NSD3: variants seen among roughly 807,000 people sequenced by gnomAD.
NSD3 encodes the protein nuclear receptor binding SET domain protein 3.
NSD3 carries 24 observed loss-of-function variants against 160.8 expected under a neutral mutation model. That is an observed-to-expected ratio of 0.15 (90% CI 0.11 to 0.21). NSD3 has a LOEUF of 0.21. Among genes scored for constraint, NSD3 ranks in the 10% least tolerant of loss-of-function variants. The pLI is 1.00. For missense variants in NSD3, 1,157 were observed against 1,735.9 expected (o/e 0.67, Z 5.93); for synonymous variants, 520 against 600.0 (o/e 0.87, Z 1.95).
chr8:38,337,492 C>A (rs371525929), intron 3 of NSD3, 25 bp from the exon 4 acceptor site: 5 of 1,521,984 alleles, frequency 3.3e-6, no homozygotes, highest in African/African-American at 1.4e-5. Flanking sequence ...CAAAAAACTT[C>A]ATCAGAAATT....
chr8:38,337,278 T>C (rs528805219), intron 4 of NSD3, 27 bp downstream of exon 4: 2 of 1,534,770 alleles, frequency 1.3e-6, no homozygotes, highest in East Asian at 4.8e-5. Context: ...AACCTTTTAC[T>C]TAGTATCTGT....
At chr8:38,344,303 A>T (rs1291999320) in intron 2 of NSD3, among the ~76,000 whole-genome samples, 1 of 152,160 alleles carries the variant, frequency 6.6e-6, no homozygotes, top group African/African-American at 2.4e-5. Flanking sequence ...ACAGAGTCTC[A>T]TTCTGTCACC....
intron 14 of NSD3, chr8:38,303,221 T>G (rs1406213476): frequency 1.0e-6 from 1 of 984,510 alleles, no homozygotes; most frequent in Non-Finnish European, 1.2e-6. Flanking sequence ...ATTCAACTGA[T>G]AATACAATAA....
rs765609001 is a variant in NSD3, at chr8:38,315,968, T to A, written c.1930A>T (p.Ser644Cys). 1 of 1,613,746 alleles carries A rather than the reference T, an allele frequency of 6.2e-7. No homozygotes were observed. Among genetic ancestry groups the A allele is most frequent in the South Asian group, 1.1e-5 (1 of 91,056 alleles). Reference protein sequence around the residue: ...SRASTDVEMTSSAYRDTSDSD... With the variant: ...SRASTDVEMTCSAYRDTSDSD... The stretch of plus-strand genomic sequence containing the variant: ...TCAGATGTGTCTCTGTATGCTGAAC[T>A]AGTCATTTCTACATCAGTTGAGGCG... Residue 644 changes from serine (S) to cysteine (C), a missense_variant, in exon 10 of 24, where the codon AGT becomes TGT. By Grantham distance (112) the Ser-to-Cys change is moderately radical. Coordinates refer to ENST00000317025, the MANE Select transcript of NSD3 (RefSeq NM_023034.2).
At chr8:38,279,860 C>G (rs557351532) in intron 20 of NSD3, 179 bp from the exon 21 acceptor site, 1 of 612,228 alleles carries the variant, frequency 1.6e-6, no homozygotes. Flanking sequence ...ATTTGATGAC[C>G]TTCAAGTCAA....
intron 1 of NSD3, among the ~76,000 whole-genome samples, chr8:38,378,756 G>A (rs193300012): frequency 4.8e-4 from 73 of 151,792 alleles, no homozygotes; most frequent in African/African-American, 1.7e-3. Context: ...CTGGGAGGTG[G>A]AGGTTGTATT....
At chr8:38,313,244 G>A (rs1809575860) in intron 12 of NSD3, among the ~76,000 whole-genome samples, 1 of 152,034 alleles carries the variant, frequency 6.6e-6, no homozygotes, top group South Asian at 2.1e-4. Flanking sequence ...AATGTGTATT[G>A]GGATATATGA....
chr8:38,360,541 T>C (rs193145917), intron 1 of NSD3, among the ~76,000 whole-genome samples: 18 of 152,306 alleles, frequency 1.2e-4, no homozygotes, highest in Admixed American at 2.6e-4. Context: ...GGGAAAACAT[T>C]TTCCTGTACT....
At chr8:38,379,057 A>G (rs948991721) in intron 1 of NSD3, among the ~76,000 whole-genome samples, 12 of 152,012 alleles carry the variant, frequency 7.9e-5, no homozygotes, top group Admixed American at 1.3e-4. Context: ...AACTCATTCA[A>G]TCTGATCAGT....
chr8:38,377,614 A>G (rs2150398460), intron 1 of NSD3, among the ~76,000 whole-genome samples: 1 of 152,130 alleles, frequency 6.6e-6, no homozygotes, highest in Admixed American at 6.5e-5. Flanking sequence ...CTCCCTCCCA[A>G]AGCGCTGGGA....
intron 2 of NSD3, among the ~76,000 whole-genome samples, chr8:38,343,035 T>C (rs1275163944): frequency 3.3e-5 from 5 of 151,350 alleles, no homozygotes; most frequent in Non-Finnish European, 7.4e-5. Context: ...CTACTAAAAA[T>C]ACACAAAAAA....
At chr8:38,324,624 T>A (rs1006351225) in intron 7 of NSD3, among the ~76,000 whole-genome samples, 2 of 152,180 alleles carry the variant, frequency 1.3e-5, no homozygotes, top group Non-Finnish European at 1.5e-5. Context: ...TGCCCCTGGT[T>A]CCTGGCACAG....
chr8:38,275,314 T>A lies in NSD3; in HGVS notation c.*327A>T, dbSNP rs998465879. The A allele has an allele frequency of 9.9e-6, 3 of 302,818 alleles. No individual in the cohort carries two copies. Among genetic ancestry groups the A allele is most frequent in the South Asian group, 7.4e-5 (1 of 13,522 alleles). 18.8% of individuals were successfully genotyped at this position (302,818 alleles called of 1,614,324 possible). On this transcript the variant is annotated 3_prime_UTR_variant, in exon 24 of 24. Coordinates refer to ENST00000317025, the MANE Select transcript of NSD3 (RefSeq NM_023034.2). The stretch of plus-strand genomic sequence containing the variant: ...GAACACATCTTAGACTTTAAATTTA[T>A]CTCATTAACAAAACTTACTTTTCTC...
chr8:38,333,524 T>C (rs977795787), intron 4 of NSD3, among the ~76,000 whole-genome samples: 5 of 152,242 alleles, frequency 3.3e-5, no homozygotes, highest in African/African-American at 1.2e-4. Flanking sequence ...TACATCTTTA[T>C]GTGTGAAAAA....
At chr8:38,293,730 C>T (rs1001303517) in intron 16 of NSD3, among the ~76,000 whole-genome samples, 1 of 151,222 alleles carries the variant, frequency 6.6e-6, no homozygotes, top group African/African-American at 2.4e-5. Flanking sequence ...CGAGACCAGC[C>T]TGGCCAACAC....
rs1811590345 is a variant in NSD3 at position 38,381,874 on chromosome 8, C to G, written c.-120G>C. The stretch of plus-strand genomic sequence containing the variant: ...AGAGACACGGAGGCCCGGAGTGGGG[C>G]TGGGGTGCGGGCAGCCGCTGGGGCC... On this transcript the variant is annotated 5_prime_UTR_variant, in exon 1 of 24. Coordinates refer to ENST00000317025, the MANE Select transcript of NSD3 (RefSeq NM_023034.2). 1 of 154,056 alleles carries G rather than the reference C, an allele frequency of 6.5e-6. No individual in the cohort carries two copies. Among genetic ancestry groups the G allele is most frequent in the Non-Finnish European group, 1.4e-5 (1 of 69,206 alleles). The allele number at this position is 154,056 out of a possible 1,614,324, so 9.5% of individuals were successfully genotyped here. A position where few individuals can be genotyped will look rare whatever the true frequency, so the allele number is the denominator to read the frequency against.
chr8:38,349,808 T>C (rs899475043), intron 1 of NSD3, among the ~76,000 whole-genome samples: 10 of 151,566 alleles, frequency 6.6e-5, no homozygotes, highest in Non-Finnish European at 1.5e-4. Flanking sequence ...TTACATTAGG[T>C]ATATCTCCTA....
At chr8:38,361,032 A>C (rs566032741) in intron 1 of NSD3, among the ~76,000 whole-genome samples, 1 of 152,262 alleles carries the variant, frequency 6.6e-6, no homozygotes, top group African/African-American at 2.4e-5. Context: ...AAGGAGAAAT[A>C]ATTTTTTTTT....
rs1437091365 is a variant in NSD3, at chr8:38,329,824, A to G, written c.1135T>C (p.Leu379=). ...DIGIAHAEKA[L]KMTREERIEQ... is the part of the protein sequence containing the mutation. ...ATTCTTTCTTCTCGAGTCATTTTCA[A>G]TGCTTTCTCTGCATGGGCAATGCCA... The change falls in exon 6 of 24, where the codon TTG becomes CTG. Residue 379 remains leucine (L), a synonymous_variant. Transcript: ENST00000317025. This position sits in a 1 kb window ranked among gnomAD's most constrained non-coding sequence, Gnocchi z 4.8. The G allele has an allele frequency of 2.5e-6, 4 of 1,613,184 alleles. No homozygotes were observed. The highest frequency in any genetic ancestry group is 1.1e-5 in the South Asian group (1 of 91,050).
Sources: gnomAD v4.1 joint callset for allele counts (sites outside exome capture counted in the v4.1 genomes callset) on GRCh38, gnomAD v4.1.1 for gene constraint, Gnocchi (gnomAD v3.1) non-coding constraint, MANE v1.5 for transcripts, NCBI Gene and HGNC (gene_info 2026-07-23, HGNC 2026-07-21) for gene names.